Variants in STX12 observed in about 807,000 individuals in gnomAD.
STX12 encodes syntaxin 12, also known as syntaxin-12.
Under a neutral mutation model 42.2 loss-of-function variants are expected in STX12, and 17 were observed. The ratio of observed to expected loss-of-function variants is 0.40; its 90% CI spans 0.28 to 0.60. The LOEUF (loss-of-function observed/expected upper bound fraction) is 0.60. Among genes scored for constraint, STX12 ranks in the 20% least tolerant of loss-of-function variants. STX12 has a pLI of 0.39. For synonymous variants in STX12, 108 were observed against 116.7 expected, an observed-to-expected ratio of 0.93 and a Z score of 0.48; for missense variants, 297 against 330.9, an observed-to-expected ratio of 0.90 and a Z score of 0.79.
chr1:27,794,796 A>G (rs1301931588), intron 3 of STX12, among the ~76,000 whole-genome samples: 2 of 152,042 alleles, frequency 1.3e-5, no homozygotes, highest in South Asian at 2.1e-4. Context: ...ATCATAGCTC[A>G]CTGCAACCTT....
chr1:27,780,119 TCTCTCCCTAC>T (rs367622713), intron 1 of STX12, among the ~76,000 whole-genome samples: 7 of 152,020 alleles, frequency 4.6e-5, no homozygotes, highest in African/African-American at 1.7e-4. Context: ...TAGTATCTTT[TCTCTCCCTAC>T]CTCATTGGCT....
rs34514169 is a variant in STX12, at chr1:27,814,837, C to CAA, written c.576+2585_576+2586dup. On this transcript the variant is annotated intron_variant, in intron 6 of 8. Transcript: ENST00000373943. Reference sequence around the variant, plus strand: ...CTGGCAACAGAGCGAGACTCTGTCTCAAAAAAAAAAAAAAAAATACAGTTG... The same window carrying CAA: ...CTGGCAACAGAGCGAGACTCTGTCTCAAAAAAAAAAAAAAAAAAATACAGTTG... Among the ~76,000 whole-genome samples the CAA allele has an allele frequency of 3.5e-3, 295 of 84,552 alleles. 3 individuals are homozygous for CAA. Among genetic ancestry groups the CAA allele is most frequent in the African/African-American group, 9.9e-3 (278 of 27,988 alleles). 55.5% of individuals were successfully genotyped at this position (84,552 alleles called of 152,430 possible).
At chr1:27,785,192 T>C (rs969984558) in intron 1 of STX12, among the ~76,000 whole-genome samples, 1 of 152,236 alleles carries the variant, frequency 6.6e-6, no homozygotes, top group Admixed American at 6.5e-5. Context: ...CTTGACTTTT[T>C]TTGTCAGATC....
At chr1:27,783,319 GTTGT>G (rs2088680414) in intron 1 of STX12, among the ~76,000 whole-genome samples, 1 of 152,006 alleles carries the variant, frequency 6.6e-6, no homozygotes, top group Non-Finnish European at 1.5e-5. Context: ...TTGAGTCCTA[GTTGT>G]TTGTTTTTTG....
chr1:27,774,630 A>C (rs975009588), intron 1 of STX12, among the ~76,000 whole-genome samples: 3 of 152,160 alleles, frequency 2.0e-5, no homozygotes, highest in Non-Finnish European at 4.4e-5. Flanking sequence ...AAGTGCTGGG[A>C]TTACAGGCGT....
intron 8 of STX12, among the ~76,000 whole-genome samples, chr1:27,820,926 A>C (rs1471243453): frequency 3.3e-5 from 5 of 151,562 alleles, no homozygotes; most frequent in Non-Finnish European, 7.4e-5. Flanking sequence ...TTGCAAGAAC[A>C]AAAAACCAAA....
chr1:27,809,342 A>AAAAAG (rs1181420579), intron 4 of STX12, among the ~76,000 whole-genome samples: 14 of 152,062 alleles, frequency 9.2e-5, no homozygotes, highest in Middle Eastern at 3.4e-3. Flanking sequence ...TCAAAAAAAA[A>AAAAAG]AAAAGAAAAG....
At chr1:27,806,485 G>A (rs574069075) in intron 4 of STX12, among the ~76,000 whole-genome samples, 1 of 152,292 alleles carries the variant, frequency 6.6e-6, no homozygotes, top group African/African-American at 2.4e-5. Context: ...TGCAGCAGAA[G>A]TACTTTATGT....
At position 27,796,793 on chromosome 1, in the gene STX12, C is replaced by G. The variant is rs188547984; in HGVS notation, c.288+3161C>G. Among the ~76,000 whole-genome samples the G allele has an allele frequency of 3.3e-3, 500 of 151,926 alleles. 4 individuals are homozygous for G. The highest frequency in any genetic ancestry group is 0.011 in the African/African-American group (472 of 41,424). On this transcript the variant is annotated intron_variant, in intron 3 of 8. Coordinates refer to ENST00000373943, the MANE Select transcript of STX12 (RefSeq NM_177424.3). ...CAATCTCGGCTCACCACAACTTCCA[C>G]CTCCCAGGTTCAAGCAATTCTCCTG...
chr1:27,810,336 C>G, intron 5 of STX12, 47 bp downstream of exon 5: 1 of 1,524,202 alleles, frequency 6.6e-7, no homozygotes, highest in Non-Finnish European at 9.1e-7. Context: ...AGATGGGAAT[C>G]TATCTCGTTA....
At chr1:27,800,488 GGTGTGTGTGTGT>G (rs57488710) in intron 3 of STX12, among the ~76,000 whole-genome samples, 7,857 of 140,952 alleles carry the variant, frequency 0.056, 415 homozygotes, top group East Asian at 0.24. Flanking sequence ...GTCAGTATGT[GGTGTGTGTGTGT>G]GTGTGTGTGT....
chr1:27,811,149 A>G (rs910226424), intron 5 of STX12, among the ~76,000 whole-genome samples: 19 of 147,894 alleles, frequency 1.3e-4, no homozygotes, highest in Admixed American at 1.2e-3. Flanking sequence ...GTGAAACCCC[A>G]TCTCTACTAA....
At chr1:27,809,289 C>G (rs1305088449) in intron 4 of STX12, among the ~76,000 whole-genome samples, 5 of 330 alleles carry the variant, frequency 0.015, no homozygotes, top group Non-Finnish European at 0.053. Context: ...CAGCCGAGAT[C>G]GTGCCACTCG....
At chr1:27,798,787 A>AT in intron 3 of STX12, among the ~76,000 whole-genome samples, 1 of 148,444 alleles carries the variant, frequency 6.7e-6, no homozygotes, top group Non-Finnish European at 1.5e-5. Context: ...TCTCAAAAAA[A>AT]AAAAAAAAAA....
rs560676178 is a variant in STX12, at chr1:27,817,040, AAG to A, written c.577-806_577-805del. Among the ~76,000 whole-genome samples the A allele has an allele frequency of 3.3e-3, 488 of 146,744 alleles. 3 individuals are homozygous for A. Among genetic ancestry groups the A allele is most frequent in the African/African-American group, 0.011 (453 of 39,906 alleles). Reference sequence around the variant, plus strand: ...GAAGGGAGAGAGAGAGAAGGAAGGAAAGAGAGGGAGGGAGGAAGGAAGGAAGG... The same window carrying A: ...GAAGGGAGAGAGAGAGAAGGAAGGAAAGAGGGAGGGAGGAAGGAAGGAAGG... On this transcript the variant is annotated intron_variant, in intron 6 of 8. Coordinates refer to ENST00000373943, the MANE Select transcript of STX12 (RefSeq NM_177424.3).
At chr1:27,812,912 A>C (rs527525849) in intron 6 of STX12, among the ~76,000 whole-genome samples, 7 of 152,238 alleles carry the variant, frequency 4.6e-5, no homozygotes, top group African/African-American at 1.7e-4. Context: ...TTGACCTCAA[A>C]TCTCAATGCC....
At chr1:27,779,731 A>G (rs571511900) in intron 1 of STX12, among the ~76,000 whole-genome samples, 561 of 149,972 alleles carry the variant, frequency 3.7e-3, no homozygotes, top group Non-Finnish European at 5.3e-3. Context: ...TAGGAAGGCT[A>G]TTTTCTTTAT....
At chr1:27,778,583 C>G (rs754240259) in intron 1 of STX12, among the ~76,000 whole-genome samples, 1 of 151,536 alleles carries the variant, frequency 6.6e-6, no homozygotes, top group African/African-American at 2.4e-5. Context: ...CCTAGCTGCT[C>G]GGGAGGCTGA....
At position 27,792,152 on chromosome 1, in the gene STX12, GTGTATC is replaced by G. The variant is rs1264315561; in HGVS notation, c.189-1379_189-1374del. ...TCTATATATGTATATATCTATATAT[GTGTATC>G]TATATATGTATATACATATATATGT... On this transcript the variant is annotated intron_variant, in intron 2 of 8. Transcript: ENST00000373943. Among the ~76,000 whole-genome samples the G allele has an allele frequency of 6.0e-4, 55 of 91,498 alleles. 3 individuals carry two copies. The highest frequency in any genetic ancestry group is 5.6e-3 in the African/African-American group (49 of 8,748). 60.0% of individuals were successfully genotyped at this position (91,498 alleles called of 152,430 possible).
Sources: allele counts gnomAD v4.1 joint callset (sites outside exome capture counted in the v4.1 genomes callset), GRCh38; gene constraint gnomAD v4.1.1; transcripts MANE v1.5; gene names NCBI Gene and HGNC (gene_info 2026-07-23, HGNC 2026-07-21).